Variants in KIAA1217 observed in about 807,000 individuals in gnomAD.
KIAA1217 encodes sickle tail protein homolog.
Under a neutral mutation model 163.9 loss-of-function variants are expected in KIAA1217, and 88 were observed. The observed-to-expected ratio is 0.54, with a 90% CI of 0.45 to 0.64. The LOEUF is 0.64. Among genes scored for constraint, KIAA1217 ranks in the 30% least tolerant of loss-of-function variants. The pLI is 0.00. For missense variants in KIAA1217, 2,372 were observed against 2,475.0 expected (o/e 0.96, Z 0.88); for synonymous variants, 903 against 923.1 (o/e 0.98, Z 0.39).
intron 3 of KIAA1217, among the ~76,000 whole-genome samples, chr10:24,412,340 C>A (rs2057859721): frequency 6.6e-6 from 1 of 152,128 alleles, no homozygotes. Flanking sequence ...ATGCCACATT[C>A]CCCCTCAAGC....
intron 1 of KIAA1217, among the ~76,000 whole-genome samples, chr10:23,922,373 G>A (rs145592873): frequency 6.6e-6 from 1 of 152,294 alleles, no homozygotes; most frequent in African/African-American, 2.4e-5. Context: ...TGTAAGTAAA[G>A]TGTTTCCCTG....
chr10:23,738,148 C>T (rs1411886705), intron 1 of KIAA1217, among the ~76,000 whole-genome samples: 2 of 151,924 alleles, frequency 1.3e-5, no homozygotes, highest in Admixed American at 1.3e-4. Flanking sequence ...ATTTTTCCCC[C>T]ACTTTGGTTA....
chr10:23,831,400 T>C lies in KIAA1217; in HGVS notation c.-321+136166T>C, dbSNP rs1838191548. ...AATGAACCATACATCCAAAAAGGAG[T>C]TAGTATCCAAAATACATAAGGAATT... On this transcript the variant is annotated intron_variant, in intron 1 of 18. Transcript: ENST00000376462. Among the ~76,000 whole-genome samples, 4 of 150,916 alleles carry C rather than the reference T, an allele frequency of 2.7e-5. No homozygotes were observed. The South Asian group carries it at 8.4e-4, about 32-fold the overall frequency.
chr10:24,282,238 A>G (rs542987964), intron 2 of KIAA1217, among the ~76,000 whole-genome samples: 8 of 152,084 alleles, frequency 5.3e-5, no homozygotes, highest in Middle Eastern at 6.8e-3. Flanking sequence ...CTAATAATCT[A>G]TATGATTTAT....
chr10:23,907,708 A>G lies in KIAA1217; in HGVS notation c.-320-99517A>G, dbSNP rs115165384. 2.9e-3 allele frequency among the ~76,000 whole-genome samples: 444 copies of G among 152,212 alleles called. 2 individuals carry two copies. Among genetic ancestry groups the G allele is most frequent in the African/African-American group, 0.01 (422 of 41,564 alleles). ...GGTGAGGGTGATCTTTGCTCAGCCT[A>G]CCGACTCAAACGTCAATGTCTTCTG... On this transcript the variant is annotated intron_variant, in intron 1 of 18. Transcript: ENST00000376462.
intron 1 of KIAA1217, among the ~76,000 whole-genome samples, chr10:23,921,971 A>C (rs920360800): frequency 5.3e-5 from 8 of 152,084 alleles, no homozygotes; most frequent in Non-Finnish European, 1.2e-4. Flanking sequence ...TGGGGCTCCT[A>C]GATAGCTTCA....
At chr10:24,378,920 A>G (rs1175743142) in intron 2 of KIAA1217, among the ~76,000 whole-genome samples, 5 of 152,220 alleles carry the variant, frequency 3.3e-5, no homozygotes, top group African/African-American at 1.2e-4. Context: ...ACCTACCACT[A>G]CGATGACCCT....
intron 1 of KIAA1217, among the ~76,000 whole-genome samples, chr10:23,789,601 C>T (rs1322630426): frequency 2.6e-5 from 4 of 152,050 alleles, no homozygotes; most frequent in Non-Finnish European, 5.9e-5. Flanking sequence ...AGATACATAG[C>T]CCATTCTAGC....
At chr10:24,479,808 G>T (rs1156613997) in intron 6 of KIAA1217, among the ~76,000 whole-genome samples, 2 of 152,108 alleles carry the variant, frequency 1.3e-5, no homozygotes, top group African/African-American at 4.8e-5. Flanking sequence ...TCTGAGGGGG[G>T]TCTGGTTTCC....
intron 2 of KIAA1217, among the ~76,000 whole-genome samples, chr10:24,082,039 C>G (rs186348902): frequency 6.6e-6 from 1 of 152,212 alleles, no homozygotes; most frequent in East Asian, 1.9e-4. Context: ...GCATTCATGT[C>G]GCTGGAGGTT....
intron 2 of KIAA1217, among the ~76,000 whole-genome samples, chr10:24,280,627 T>C (rs899072789): frequency 1.6e-4 from 24 of 152,094 alleles, no homozygotes; most frequent in African/African-American, 5.3e-4. Flanking sequence ...CTGGCTAACA[T>C]GGTGAAACCC....
In KIAA1217 at chr10:24,542,884, T is replaced by A; in HGVS notation, c.3614T>A (p.Val1205Asp). 1 of 1,609,984 alleles carries A rather than the reference T, an allele frequency of 6.2e-7. No individual in the cohort carries two copies. The highest frequency in any genetic ancestry group is 8.5e-7 in the Non-Finnish European group (1 of 1,177,734). The change falls in exon 19 of 21, where the codon GTT (valine) becomes GAT (aspartate). Residue 1205 changes from valine to aspartate, a missense_variant and splice_region_variant. This residue lies in a region of KIAA1217 where 251 missense variants were observed against 327.3 expected (regional missense o/e 0.77). Transcript: ENST00000376454. The stretch of plus-strand genomic sequence containing the variant: ...TCCCTCCTCCGTTCTCCCTCTCAGG[T>A]TACCACAGGGGCTGTAAGACCTAGT... ...ENGPQMEFQK[V>D]TTGAVRPSDP...
chr10:24,249,791 A>T (rs546359565), intron 2 of KIAA1217, among the ~76,000 whole-genome samples: 25 of 152,308 alleles, frequency 1.6e-4, no homozygotes, highest in African/African-American at 6.0e-4. Flanking sequence ...ACTAGCCTAG[A>T]CAGTTCGTTC....
chr10:24,403,120 A>C (rs1485046191), intron 3 of KIAA1217, among the ~76,000 whole-genome samples: 1 of 152,250 alleles, frequency 6.6e-6, no homozygotes, highest in African/African-American at 2.4e-5. Flanking sequence ...GATAAAAAGC[A>C]GAAGGTATTA....
In KIAA1217 at chr10:23,888,981, A is replaced by G. The variant is rs139433576; in HGVS notation, c.-320-118244A>G. 7.0e-3 allele frequency among the ~76,000 whole-genome samples: 1,070 copies of G among 151,972 alleles called. 11 individuals are homozygous for G. The highest frequency in any genetic ancestry group is 0.025 in the African/African-American group (1,025 of 41,508). On this transcript the variant is annotated intron_variant, in intron 1 of 18. Coordinates refer to the KIAA1217 transcript ENST00000376462. ...GTGTGTCTGTCTTCCTTTGCTCTGC[A>G]TTATGTTTTTGAGAGCCATCCATTT...
chr10:24,342,335 T>C (rs1308923980), intron 2 of KIAA1217, among the ~76,000 whole-genome samples: 1 of 152,218 alleles, frequency 6.6e-6, no homozygotes, highest in African/African-American at 2.4e-5. Context: ...ACAGGACTGA[T>C]TTTTTTAATT....
chr10:24,343,611 C>T (rs951619024), intron 2 of KIAA1217, among the ~76,000 whole-genome samples: 1 of 152,162 alleles, frequency 6.6e-6, no homozygotes, highest in Non-Finnish European at 1.5e-5. Context: ...GAAATCTTTC[C>T]TCTCATATTT....
At chr10:23,793,846 T>A (rs1320578889) in intron 1 of KIAA1217, among the ~76,000 whole-genome samples, 2 of 152,138 alleles carry the variant, frequency 1.3e-5, no homozygotes, top group Non-Finnish European at 2.9e-5. Flanking sequence ...CTTCTGTCAG[T>A]AAGAGCTCTT....
intron 1 of KIAA1217, among the ~76,000 whole-genome samples, chr10:23,811,923 A>G (rs1038539768): frequency 2.0e-5 from 3 of 152,080 alleles, no homozygotes; most frequent in African/African-American, 7.2e-5. Flanking sequence ...GGATGAAAAT[A>G]TTATTTAACA....
Sources: gnomAD v4.1 joint callset for allele counts (sites outside exome capture counted in the v4.1 genomes callset) on GRCh38, gnomAD v4.1.1 for gene constraint, gnomAD v4.1.1 regional missense constraint, MANE v1.5 for transcripts, NCBI Gene and HGNC (gene_info 2026-07-23, HGNC 2026-07-21) for gene names.